LIN52: variants seen among roughly 807,000 people sequenced by gnomAD.
LIN52 encodes the protein lin-52 DREAM MuvB core complex component.
LIN52 carries 4 observed loss-of-function variants against 18.5 expected under a neutral mutation model. That is an observed-to-expected ratio of 0.22 (90% confidence interval 0.11 to 0.49). The LOEUF is 0.49. LIN52 is among the 20% of genes least tolerant of loss of function. The pLI is 0.97. For synonymous variants in LIN52, 34 were observed against 45.5 expected (o/e 0.75, Z 1.02); for missense variants, 102 against 139.5 (o/e 0.73, Z 1.35).
At chr14:74,148,051 AAAAAG>A (rs1182222920) in intron 5 of LIN52, among the ~76,000 whole-genome samples, 2 of 152,314 alleles carry the variant, frequency 1.3e-5, no homozygotes, top group East Asian at 3.9e-4. Flanking sequence ...GAAAAGAAGA[AAAAAG>A]AAAACAAAAC....
chr14:74,153,992 T>C (rs1325335009), intron 5 of LIN52, among the ~76,000 whole-genome samples: 1 of 152,228 alleles, frequency 6.6e-6, no homozygotes, highest in Non-Finnish European at 1.5e-5. Flanking sequence ...TACAGGAAAA[T>C]TAAGAAGGAG....
chr14:74,155,634 C>T (rs985663285), intron 5 of LIN52, among the ~76,000 whole-genome samples: 1 of 152,236 alleles, frequency 6.6e-6, no homozygotes, highest in Non-Finnish European at 1.5e-5. Flanking sequence ...TAGACTCCGT[C>T]GTAGTAGAAA....
At chr14:74,162,689 C>T (rs1480366347) in intron 5 of LIN52, among the ~76,000 whole-genome samples, 2 of 152,072 alleles carry the variant, frequency 1.3e-5, no homozygotes, top group African/African-American at 4.8e-5. Context: ...CCACTGCGCC[C>T]AGCCGAATTT....
At chr14:74,178,242 A>G (rs970181963) in intron 5 of LIN52, among the ~76,000 whole-genome samples, 1 of 152,228 alleles carries the variant, frequency 6.6e-6, no homozygotes, top group Non-Finnish European at 1.5e-5. Flanking sequence ...CATTGATTGT[A>G]CAGATGAAGT....
At chr14:74,119,084 C>G (rs1595161836) in intron 5 of LIN52, among the ~76,000 whole-genome samples, 1 of 151,794 alleles carries the variant, frequency 6.6e-6, no homozygotes, top group African/African-American at 2.4e-5. Context: ...TGGACTATTT[C>G]CAGCTTTTGG....
intron 5 of LIN52, among the ~76,000 whole-genome samples, chr14:74,186,668 A>G (rs1473553495): frequency 6.6e-6 from 1 of 152,140 alleles, no homozygotes; most frequent in Non-Finnish European, 1.5e-5. Context: ...AGATTTTGTT[A>G]AGTGCTGTAA....
At chr14:74,171,957 C>CTCTA (rs1411103064) in intron 5 of LIN52, among the ~76,000 whole-genome samples, 2 of 152,130 alleles carry the variant, frequency 1.3e-5, no homozygotes, top group Non-Finnish European at 2.9e-5. Flanking sequence ...CCAGGCTGAT[C>CTCTA]TCTAACTGAC....
chr14:74,105,083 T>C (rs891572009), intron 5 of LIN52, among the ~76,000 whole-genome samples: 1 of 151,984 alleles, frequency 6.6e-6, no homozygotes, highest in African/African-American at 2.4e-5. Flanking sequence ...TTTTTCTTTC[T>C]TTATTAGTTT....
At chr14:74,154,510 G>C (rs2061191032) in intron 5 of LIN52, among the ~76,000 whole-genome samples, 3 of 152,160 alleles carry the variant, frequency 2.0e-5, no homozygotes, top group Admixed American at 2.0e-4. Context: ...TTCCGAAGCA[G>C]CCAGTCCTAA....
At position 74,199,025 on chromosome 14, in the gene LIN52, T is replaced by A; in HGVS notation, c.*48T>A. ...CCTGGGGTCCGAAACCAAGCTCCCT[T>A]CCCGGTGCACCTCTAACAATGCACA... On this transcript the variant is annotated 3_prime_UTR_variant, in exon 6 of 6. Coordinates refer to ENST00000555028, the MANE Select transcript of LIN52 (RefSeq NM_001024674.3). The A allele has an allele frequency of 1.5e-6, 2 of 1,348,660 alleles. No homozygotes were observed. The highest frequency in any genetic ancestry group is 3.6e-4 in the Middle Eastern group (2 of 5,594). 83.5% of individuals were successfully genotyped at this position (1,348,660 alleles called of 1,614,324 possible).
intron 5 of LIN52, among the ~76,000 whole-genome samples, chr14:74,196,844 C>G (rs577109260): frequency 1.3e-5 from 2 of 152,308 alleles, no homozygotes; most frequent in East Asian, 1.9e-4. Context: ...TTAACATGCT[C>G]TCCGTTACAA....
intron 5 of LIN52, among the ~76,000 whole-genome samples, chr14:74,111,409 C>T (rs1261441785): frequency 6.6e-6 from 1 of 151,794 alleles, no homozygotes; most frequent in East Asian, 1.9e-4. Flanking sequence ...CCAGCCCAGC[C>T]TCTCGAGTAG....
At chr14:74,123,338 T>G (rs909285258) in intron 5 of LIN52, among the ~76,000 whole-genome samples, 1 of 152,166 alleles carries the variant, frequency 6.6e-6, no homozygotes. Flanking sequence ...ATGGAAAGTT[T>G]TAGTGACTGA....
chr14:74,143,340 A>C (rs1050872089), intron 5 of LIN52, among the ~76,000 whole-genome samples: 6 of 152,128 alleles, frequency 3.9e-5, no homozygotes, highest in Non-Finnish European at 8.8e-5. Context: ...ACTTGACCCC[A>C]GAGTTCGAGA....
intron 5 of LIN52, among the ~76,000 whole-genome samples, chr14:74,156,521 CATA>C (rs1422759635): frequency 6.6e-6 from 1 of 152,126 alleles, no homozygotes; most frequent in Non-Finnish European, 1.5e-5. Context: ...TTAATTGACA[CATA>C]ATAATTGCAC....
intron 5 of LIN52, among the ~76,000 whole-genome samples, chr14:74,116,107 A>G (rs974687057): frequency 6.6e-6 from 1 of 152,132 alleles, no homozygotes; most frequent in East Asian, 1.9e-4. Flanking sequence ...GTTTGAGACC[A>G]CCCTGGCCAA....
intron 5 of LIN52, among the ~76,000 whole-genome samples, chr14:74,118,069 A>G (rs917534551): frequency 6.6e-6 from 1 of 152,144 alleles, no homozygotes. Flanking sequence ...GGAGAGTTGA[A>G]TCTGATAGGT....
intron 2 of LIN52, among the ~76,000 whole-genome samples, chr14:74,093,321 CTTTT>C (rs1295151671): frequency 8.3e-6 from 1 of 120,548 alleles, no homozygotes; most frequent in Non-Finnish European, 1.7e-5. Flanking sequence ...TTCAATCACT[CTTTT>C]TTTTTTTTTT....
At chr14:74,158,118 TATA>T (rs2061207767) in intron 5 of LIN52, among the ~76,000 whole-genome samples, 1 of 65,910 alleles carries the variant, frequency 1.5e-5, no homozygotes, top group African/African-American at 5.1e-5. Context: ...TATATATATA[TATA>T]TATATTTTTT....
Sources: gnomAD v4.1 joint callset for allele counts (sites outside exome capture counted in the v4.1 genomes callset) on GRCh38, gnomAD v4.1.1 for gene constraint, MANE v1.5 for transcripts, NCBI Gene and HGNC (gene_info 2026-07-23, HGNC 2026-07-21) for gene names.